Variants in ARHGAP15 observed in about 807,000 individuals in gnomAD.
ARHGAP15 encodes the protein rho GTPase-activating protein 15.
A neutral mutation model predicts 63.7 loss-of-function variants in ARHGAP15; 51 were observed. The observed-to-expected ratio is 0.80, with a 90% CI of 0.64 to 1.01. The LOEUF is 1.01. Among genes scored for constraint, ARHGAP15 ranks in the 50% least tolerant of loss-of-function variants. The pLI, the probability that ARHGAP15 is intolerant of heterozygous loss-of-function variation, is 0.00. For synonymous variants in ARHGAP15, 191 were observed against 193.8 expected (o/e 0.99, Z 0.12); for missense variants, 560 against 564.6 (o/e 0.99, Z 0.08).
intron 6 of ARHGAP15, among the ~76,000 whole-genome samples, chr2:143,353,085 A>G (rs2105318646): frequency 1.3e-5 from 2 of 152,306 alleles, no homozygotes; most frequent in Middle Eastern, 6.8e-3. Flanking sequence ...CAGGAAAAGA[A>G]TAGATGTGTA....
intron 8 of ARHGAP15, among the ~76,000 whole-genome samples, chr2:143,474,521 CTG>C (rs1691724513): frequency 6.6e-6 from 1 of 152,194 alleles, no homozygotes; most frequent in Non-Finnish European, 1.5e-5. Context: ...AACAACAGAA[CTG>C]TCTCTTCTGG....
At chr2:143,502,569 T>TTTG (rs565245923) in intron 9 of ARHGAP15, among the ~76,000 whole-genome samples, 54 of 150,556 alleles carry the variant, frequency 3.6e-4, no homozygotes, top group African/African-American at 1.1e-3. Flanking sequence ...TGTGGATCGT[T>TTTG]TTGTTGTTGT....
chr2:143,276,234 T>C (rs1681541642), intron 6 of ARHGAP15, among the ~76,000 whole-genome samples: 1 of 152,226 alleles, frequency 6.6e-6, no homozygotes, highest in Non-Finnish European at 1.5e-5. Flanking sequence ...TCATTACCCT[T>C]TACCAAACAC....
intron 10 of ARHGAP15, among the ~76,000 whole-genome samples, chr2:143,548,864 T>A (rs1046178524): frequency 9.9e-5 from 15 of 151,514 alleles, no homozygotes; most frequent in African/African-American, 3.4e-4. Context: ...AAAACCAAAA[T>A]GAGATAAAAA....
intron 6 of ARHGAP15, among the ~76,000 whole-genome samples, chr2:143,349,872 T>C (rs1334416857): frequency 1.3e-5 from 2 of 152,160 alleles, no homozygotes; most frequent in Admixed American, 1.3e-4. Flanking sequence ...CTTACTCTCT[T>C]GTTTCTTGGA....
chr2:143,737,960 G>T (rs572619483), intron 13 of ARHGAP15, among the ~76,000 whole-genome samples: 1 of 152,144 alleles, frequency 6.6e-6, no homozygotes, highest in East Asian at 1.9e-4. Context: ...GTTTCACCAT[G>T]CCGGTCAGGT....
At chr2:143,514,197 C>G (rs908298217) in intron 9 of ARHGAP15, among the ~76,000 whole-genome samples, 4 of 152,164 alleles carry the variant, frequency 2.6e-5, no homozygotes, top group Non-Finnish European at 4.4e-5. Context: ...GGCTGGCACA[C>G]AGTGTCTGGC....
At chr2:143,330,118 A>AT (rs1320812105) in intron 6 of ARHGAP15, among the ~76,000 whole-genome samples, 1 of 60,628 alleles carries the variant, frequency 1.6e-5, no homozygotes, top group African/African-American at 7.7e-5. Context: ...AAAAAAAAAA[A>AT]AAAAAAAAAA....
intron 1 of ARHGAP15, among the ~76,000 whole-genome samples, chr2:143,134,066 T>C (rs1689018011): frequency 1.3e-5 from 2 of 152,240 alleles, no homozygotes; most frequent in Admixed American, 1.3e-4. Context: ...CAAGTTTTTC[T>C]AATTCAATGA....
At chr2:143,712,371 T>C (rs1274358634) in intron 13 of ARHGAP15, among the ~76,000 whole-genome samples, 1 of 152,182 alleles carries the variant, frequency 6.6e-6, no homozygotes, top group African/African-American at 2.4e-5. Context: ...GACTTGCTCA[T>C]TGTTATATTC....
intron 12 of ARHGAP15, among the ~76,000 whole-genome samples, chr2:143,687,160 G>A (rs747645933): frequency 7.9e-5 from 12 of 152,010 alleles, no homozygotes; most frequent in East Asian, 1.9e-4. Flanking sequence ...AAACTTTAAC[G>A]GACCTATTTT....
chr2:143,363,502 G>GA (rs1436555986), intron 6 of ARHGAP15, among the ~76,000 whole-genome samples: 1 of 151,780 alleles, frequency 6.6e-6, no homozygotes, highest in Non-Finnish European at 1.5e-5. Flanking sequence ...CTTCAGAAAA[G>GA]AAAAAAAGAA....
chr2:143,556,260 A>C, intron 10 of ARHGAP15, 148 bp from the exon 11 acceptor site: 2 of 561,370 alleles, frequency 3.6e-6, no homozygotes, highest in Non-Finnish European at 6.2e-6. Context: ...TTGAGATTAA[A>C]ATTTTGAAGA....
At chr2:143,483,555 G>A (rs1159088973) in intron 8 of ARHGAP15, among the ~76,000 whole-genome samples, 1 of 152,146 alleles carries the variant, frequency 6.6e-6, no homozygotes, top group Non-Finnish European at 1.5e-5. Context: ...TTGCCCTGAG[G>A]CAGAGTTATT....
chr2:143,758,120 A>T (rs938344353), intron 13 of ARHGAP15, among the ~76,000 whole-genome samples: 1 of 152,086 alleles, frequency 6.6e-6, no homozygotes, highest in African/African-American at 2.4e-5. Flanking sequence ...TATGAAATAT[A>T]ACAACTTTTT....
chr2:143,692,441 A>G (rs1045556141), intron 12 of ARHGAP15, among the ~76,000 whole-genome samples: 6 of 152,140 alleles, frequency 3.9e-5, no homozygotes, highest in Non-Finnish European at 1.5e-5. Context: ...GAAAAGGAGG[A>G]AACCCAAGGC....
rs377328792 is a variant in ARHGAP15 at position 143,768,196 on chromosome 2, C to G, written c.*24C>G. The G allele has an allele frequency of 3.1e-6, 5 of 1,593,028 alleles. No individual in the cohort carries two copies. The East Asian group carries it at 9.0e-5, about 29-fold the overall frequency. ...GACAGACAAGACAAGCTACTGAATA[C>G]GTTCACATCTGTCTTGATGCCTAAT... is the stretch of plus-strand genomic sequence containing the variant. On this transcript the variant is annotated 3_prime_UTR_variant, in exon 14 of 14. Coordinates refer to ENST00000295095, the MANE Select transcript of ARHGAP15 (RefSeq NM_018460.4).
At chr2:143,405,315 T>C (rs1688153441) in intron 6 of ARHGAP15, among the ~76,000 whole-genome samples, 1 of 151,812 alleles carries the variant, frequency 6.6e-6, no homozygotes, top group South Asian at 2.1e-4. Flanking sequence ...TTTTGTATCG[T>C]GGCCTTAATC....
chr2:143,687,057 T>C (rs1191561907), intron 12 of ARHGAP15, among the ~76,000 whole-genome samples: 1 of 152,234 alleles, frequency 6.6e-6, no homozygotes, highest in Non-Finnish European at 1.5e-5. Context: ...GGGCATCTAA[T>C]ACTTGTAGAA....
Sources: allele counts gnomAD v4.1 joint callset (sites outside exome capture counted in the v4.1 genomes callset), GRCh38; gene constraint gnomAD v4.1.1; transcripts MANE v1.5; gene names NCBI Gene and HGNC (gene_info 2026-07-23, HGNC 2026-07-21).